The following SPAG6 variants were observed in gnomAD, a reference collection of about 807,000 sequenced individuals.
SPAG6 encodes the protein sperm-associated antigen 6.
Under a neutral mutation model 58.5 loss-of-function variants are expected in SPAG6, and 49 were observed. The ratio of observed to expected loss-of-function variants is 0.84; its 90% confidence interval spans 0.67 to 1.06. The LOEUF is 1.06. Ranked by LOEUF, SPAG6 falls within the 50% of genes least tolerant of loss-of-function variation. The pLI, the probability that SPAG6 is intolerant of heterozygous loss-of-function variation, is 0.00. For synonymous variants in SPAG6, 233 were observed against 225.6 expected, an observed-to-expected ratio of 1.03 and a Z score of -0.29; for missense variants, 560 against 611.3, an observed-to-expected ratio of 0.92 and a Z score of 0.89.
intron 4 of SPAG6, among the ~76,000 whole-genome samples, chr10:22,383,757 C>T (rs954538426): frequency 2.0e-5 from 3 of 152,128 alleles, no homozygotes; most frequent in Non-Finnish European, 4.4e-5. Flanking sequence ...CTCCACAGAC[C>T]TGATTCCTGG....
At chr10:22,363,139 T>C (rs1837090396) in intron 2 of SPAG6, among the ~76,000 whole-genome samples, 1 of 152,194 alleles carries the variant, frequency 6.6e-6, no homozygotes, top group Admixed American at 6.5e-5. Flanking sequence ...AACTGTAAAC[T>C]TAAAAATGGT....
intron 9 of SPAG6, among the ~76,000 whole-genome samples, chr10:22,404,020 A>T (rs1324746995): frequency 1.4e-5 from 2 of 142,200 alleles, no homozygotes; most frequent in African/African-American, 5.3e-5. Context: ...AGTTCATTGT[A>T]GATTCTGGAT....
chr10:22,396,273 T>G (rs7096866), intron 8 of SPAG6, among the ~76,000 whole-genome samples: 26,791 of 152,094 alleles, frequency 0.18, 7,086 homozygotes, highest in African/African-American at 0.58. Flanking sequence ...GAATCATGGG[T>G]GTGGTTTCCC....
At chr10:22,405,805 C>T (rs2130629114) in intron 9 of SPAG6, among the ~76,000 whole-genome samples, 2 of 152,344 alleles carry the variant, frequency 1.3e-5, no homozygotes, top group South Asian at 2.1e-4. Context: ...ATTATTGCCA[C>T]AATTTCAGAT....
At position 22,384,748 on chromosome 10, in the gene SPAG6, T is replaced by C. The variant is rs2182792; in HGVS notation, c.473-2006T>C. On this transcript the variant is annotated intron_variant, in intron 4 of 10. Transcript: ENST00000376624. ...TTCCCCACATTTAACATTGCTACTC[T>C]GGAGAGAATAGAAAACTTGGGCAAC... is the stretch of plus-strand genomic sequence containing the variant. Among the ~76,000 whole-genome samples the C allele has an allele frequency of 9.3e-3, 1,422 of 152,280 alleles. 23 individuals carry two copies. The highest frequency in any genetic ancestry group is 0.033 in the African/African-American group (1,363 of 41,530).
At chr10:22,357,853 C>A (rs967517797) in intron 2 of SPAG6, among the ~76,000 whole-genome samples, 3 of 150,476 alleles carry the variant, frequency 2.0e-5, no homozygotes, top group Admixed American at 6.7e-5. Context: ...TTTGTTCTTG[C>A]GATAGTTTAC....
chr10:22,361,963 C>T (rs1037987976), intron 2 of SPAG6, among the ~76,000 whole-genome samples: 1 of 147,868 alleles, frequency 6.8e-6, no homozygotes, highest in Non-Finnish European at 1.5e-5. Flanking sequence ...ACTGCCTTTA[C>T]ATAATATATC....
At chr10:22,398,418 C>T (rs778111907) in intron 8 of SPAG6, among the ~76,000 whole-genome samples, 5 of 152,118 alleles carry the variant, frequency 3.3e-5, no homozygotes. Flanking sequence ...AAAAAAAAAT[C>T]CTCTTATGCT....
intron 10 of SPAG6, 91 bp downstream of exon 10, chr10:22,411,267 G>C (rs1834727264): frequency 1.1e-5 from 13 of 1,136,042 alleles, no homozygotes; most frequent in Non-Finnish European, 1.6e-5. Flanking sequence ...TCAAAATGTG[G>C]ACTTTGAAAT....
chr10:22,380,963 A>G (rs1833939504), intron 4 of SPAG6, among the ~76,000 whole-genome samples: 2 of 151,952 alleles, frequency 1.3e-5, no homozygotes, highest in Non-Finnish European at 2.9e-5. Context: ...AGTCCTCATG[A>G]TCACTTGTTT....
chr10:22,351,683 T>C (rs1044048207), intron 2 of SPAG6, among the ~76,000 whole-genome samples: 2 of 152,226 alleles, frequency 1.3e-5, no homozygotes, highest in African/African-American at 4.8e-5. Context: ...GTGGTTGTAC[T>C]AGCCTTAGGA....
intron 2 of SPAG6, among the ~76,000 whole-genome samples, chr10:22,346,366 G>T (rs1836528524): frequency 6.6e-6 from 1 of 152,150 alleles, no homozygotes; most frequent in South Asian, 2.1e-4. Context: ...GAGAGGGGGA[G>T]AGAGGGGGAG....
intron 3 of SPAG6, among the ~76,000 whole-genome samples, chr10:22,365,765 A>T (rs555299467): frequency 6.6e-6 from 1 of 152,354 alleles, no homozygotes; most frequent in South Asian, 2.1e-4. Flanking sequence ...AATTAAATAG[A>T]CATTTCTCCA....
intron 6 of SPAG6, among the ~76,000 whole-genome samples, chr10:22,388,841 G>T (rs1323290263): frequency 6.6e-6 from 1 of 152,032 alleles, no homozygotes. Context: ...TGATGGGGGG[G>T]TTTCAGTAGT....
chr10:22,349,295 CTG>C (rs1404928444), intron 2 of SPAG6, among the ~76,000 whole-genome samples: 1 of 151,836 alleles, frequency 6.6e-6, no homozygotes, highest in African/African-American at 2.4e-5. Context: ...AGTTTAATGT[CTG>C]TTATAAAATT....
At chr10:22,385,610 C>T (rs1834047902) in intron 4 of SPAG6, among the ~76,000 whole-genome samples, 1 of 152,074 alleles carries the variant, frequency 6.6e-6, no homozygotes, top group South Asian at 2.1e-4. Flanking sequence ...ACTGTTTATA[C>T]AATATTGGGA....
intron 2 of SPAG6, among the ~76,000 whole-genome samples, chr10:22,348,322 C>G (rs1165272845): frequency 6.6e-6 from 1 of 152,126 alleles, no homozygotes; most frequent in African/African-American, 2.4e-5. Context: ...ATGATTTGTT[C>G]TTTTAAAAAA....
At position 22,345,879 on chromosome 10, in the gene SPAG6, C is replaced by T; in HGVS notation, c.121+61C>T. On this transcript the variant is annotated intron_variant, in intron 2 of 10. Coordinates refer to ENST00000376624, the MANE Select transcript of SPAG6 (RefSeq NM_012443.4). This position sits in a 1 kb window ranked among gnomAD's most constrained non-coding sequence, Gnocchi z 6.3. ...GCACTGAGTCCCCGACGCCTCCGCC[C>T]CGCTGCCCTGCCCGTGGAGCTCTTG... 1 of 1,581,434 alleles carries T rather than the reference C, an allele frequency of 6.3e-7. No individual in the cohort carries two copies. The highest frequency in any genetic ancestry group is 8.6e-7 in the Non-Finnish European group (1 of 1,164,190).
At chr10:22,411,962 C>T (rs1271136697) in intron 10 of SPAG6, among the ~76,000 whole-genome samples, 2 of 150,076 alleles carry the variant, frequency 1.3e-5, no homozygotes, top group Non-Finnish European at 2.9e-5. Context: ...CGTTCTCCTG[C>T]GTCGGCCTCC....
Sources: allele counts gnomAD v4.1 joint callset (sites outside exome capture counted in the v4.1 genomes callset), GRCh38; gene constraint gnomAD v4.1.1; non-coding constraint Gnocchi (gnomAD v3.1); transcripts MANE v1.5; gene names NCBI Gene and HGNC (gene_info 2026-07-23, HGNC 2026-07-21).